Variants in RSU1 observed in about 807,000 individuals in gnomAD.
RSU1 encodes Ras suppressor protein 1.
Under a neutral mutation model 31.1 loss-of-function variants are expected in RSU1, and 26 were observed. The ratio of observed to expected loss-of-function variants is 0.84; its 90% confidence interval spans 0.61 to 1.16. The LOEUF is 1.16. RSU1 is among the 50% of genes most tolerant of loss of function. The probability of loss-of-function intolerance (pLI) is 0.00; values close to 1 mark genes in which losing one functional copy is unlikely to be tolerated. For missense variants in RSU1, 320 were observed against 339.1 expected (o/e 0.94, Z 0.44); for synonymous variants, 164 against 136.3 (o/e 1.20, Z -1.41).
chr10:16,765,394 G>A (rs1348285620), intron 3 of RSU1, among the ~76,000 whole-genome samples: 3 of 152,010 alleles, frequency 2.0e-5, no homozygotes, highest in Non-Finnish European at 4.4e-5. Flanking sequence ...GCAAGAGATC[G>A]ATACACTGTT....
intron 3 of RSU1, among the ~76,000 whole-genome samples, chr10:16,778,506 C>T (rs930453459): frequency 3.3e-5 from 5 of 152,110 alleles, no homozygotes; most frequent in Non-Finnish European, 7.3e-5. Flanking sequence ...TGAAATGATC[C>T]ATGCTTCCAC....
At chr10:16,770,950 T>A (rs1017622138) in intron 3 of RSU1, among the ~76,000 whole-genome samples, 2 of 133,760 alleles carry the variant, frequency 1.5e-5, no homozygotes, top group African/African-American at 3.2e-5. Context: ...CCTGACATAT[T>A]GCTATTTAAA....
chr10:16,686,995 C>G (rs1835452009), intron 8 of RSU1, among the ~76,000 whole-genome samples: 1 of 152,174 alleles, frequency 6.6e-6, no homozygotes, highest in Admixed American at 6.5e-5. Context: ...AAACCTGAGC[C>G]TACCAGGTCC....
rs1379397638 is a variant in RSU1, at chr10:16,593,303, C to CAGCAT, written c.*86_*90dup. Reference sequence around the variant, plus strand: ...AGAAAAATAAAAAAGGCCTCACACGCAGCATTGGGTTTATTTGAGAGACAG... The same window carrying CAGCAT: ...AGAAAAATAAAAAAGGCCTCACACGCAGCATAGCATTGGGTTTATTTGAGAGACAG... On this transcript the variant is annotated 3_prime_UTR_variant, in exon 9 of 9. Transcript: ENST00000345264. 1 of 1,574,272 alleles carries CAGCAT rather than the reference C, an allele frequency of 6.4e-7. No homozygotes were observed. The highest frequency in any genetic ancestry group is 1.4e-5 in the African/African-American group (1 of 73,306).
intron 7 of RSU1, among the ~76,000 whole-genome samples, chr10:16,713,802 T>C (rs1413987926): frequency 1.3e-5 from 2 of 152,194 alleles, no homozygotes; most frequent in Non-Finnish European, 2.9e-5. Flanking sequence ...AGTGGAATAG[T>C]GACCCTTTCC....
At chr10:16,660,693 C>G (rs926026651) in intron 8 of RSU1, among the ~76,000 whole-genome samples, 6 of 134,916 alleles carry the variant, frequency 4.4e-5, no homozygotes. Flanking sequence ...GTCACTCAGG[C>G]TGAAGTGCAA....
chr10:16,682,764 C>A (rs1009688105), intron 8 of RSU1, among the ~76,000 whole-genome samples: 1 of 152,046 alleles, frequency 6.6e-6, no homozygotes, highest in African/African-American at 2.4e-5. Flanking sequence ...TGGATCGGGA[C>A]CCCTTTCCTG....
At chr10:16,718,171 C>A (rs1392666034) in intron 7 of RSU1, among the ~76,000 whole-genome samples, 1 of 151,188 alleles carries the variant, frequency 6.6e-6, no homozygotes, top group Non-Finnish European at 1.5e-5. Context: ...CCTGGCTTGA[C>A]TCCAAGCATT....
intron 2 of RSU1, among the ~76,000 whole-genome samples, chr10:16,795,235 T>C (rs1441370340): frequency 2.0e-5 from 3 of 151,162 alleles, no homozygotes; most frequent in African/African-American, 7.3e-5. Context: ...GTGCCTGTAA[T>C]CCCAGCTACT....
At chr10:16,656,254 T>A (rs1318105607) in intron 8 of RSU1, among the ~76,000 whole-genome samples, 4 of 152,194 alleles carry the variant, frequency 2.6e-5, no homozygotes, top group Non-Finnish European at 5.9e-5. Flanking sequence ...CAGATTTGCC[T>A]TGGGATATAG....
intron 7 of RSU1, among the ~76,000 whole-genome samples, chr10:16,708,986 T>C (rs1170224861): frequency 6.6e-6 from 1 of 151,826 alleles, no homozygotes; most frequent in Non-Finnish European, 1.5e-5. Context: ...AGTTCTTTAG[T>C]AGAGTCCTTT....
At chr10:16,739,874 G>A (rs1194387563) in intron 7 of RSU1, among the ~76,000 whole-genome samples, 2 of 152,126 alleles carry the variant, frequency 1.3e-5, no homozygotes, top group Admixed American at 6.5e-5. Flanking sequence ...GCCTCTCAAA[G>A]TGCTGGGATT....
At chr10:16,757,896 C>T (rs1837131310) in intron 4 of RSU1, among the ~76,000 whole-genome samples, 1 of 152,224 alleles carries the variant, frequency 6.6e-6, no homozygotes, top group Non-Finnish European at 1.5e-5. Context: ...CAAATAAATA[C>T]ACTTTTGCAA....
chr10:16,714,149 C>T (rs765344188), intron 7 of RSU1, among the ~76,000 whole-genome samples: 14 of 152,238 alleles, frequency 9.2e-5, no homozygotes, highest in South Asian at 2.1e-4. Flanking sequence ...TTGGGCTGAG[C>T]TTAGGTGCAT....
In RSU1 at chr10:16,617,273, T is replaced by G. The variant is rs559920789; in HGVS notation, c.732-23777A>C. ...GAATAAAATACCTAGGAATCCACCT[T>G]ACAAGGGATGTGAAGGAACTCTTCA... On this transcript the variant is annotated intron_variant, in intron 8 of 8. Coordinates refer to ENST00000345264, the MANE Select transcript of RSU1 (RefSeq NM_012425.4). Among the ~76,000 whole-genome samples, 3 of 152,254 alleles carry G rather than the reference T, an allele frequency of 2.0e-5. No individual in the cohort carries two copies. The South Asian group carries it at 6.2e-4, about 32-fold the overall frequency.
intron 8 of RSU1, 26 bp downstream of exon 8, chr10:16,694,997 A>G (rs1455600813): frequency 1.9e-6 from 3 of 1,591,586 alleles, no homozygotes; most frequent in African/African-American, 2.7e-5. Flanking sequence ...ACAGTCTACT[A>G]TTTCAGAAAA....
chr10:16,766,802 T>C (rs1022433247), intron 3 of RSU1, among the ~76,000 whole-genome samples: 2 of 151,528 alleles, frequency 1.3e-5, no homozygotes, highest in African/African-American at 4.9e-5. Context: ...TCACCTGAGG[T>C]CAGGAGTTTG....
chr10:16,811,268 G>A (rs1318615461), intron 2 of RSU1, among the ~76,000 whole-genome samples: 1 of 152,118 alleles, frequency 6.6e-6, no homozygotes, highest in East Asian at 1.9e-4. Context: ...TGTGTGTAGG[G>A]ACATTCTGGG....
intron 4 of RSU1, among the ~76,000 whole-genome samples, chr10:16,757,944 AG>A (rs1440089115): frequency 6.6e-6 from 1 of 152,228 alleles, no homozygotes; most frequent in African/African-American, 2.4e-5. Flanking sequence ...ACAGGCTTAG[AG>A]GGAAGAGGCA....
Sources: allele counts gnomAD v4.1 joint callset (sites outside exome capture counted in the v4.1 genomes callset), GRCh38; gene constraint gnomAD v4.1.1; transcripts MANE v1.5; gene names NCBI Gene and HGNC (gene_info 2026-07-23, HGNC 2026-07-21).